CELF2: variants seen among roughly 807,000 people sequenced by gnomAD.
CELF2 encodes CUGBP Elav-like family member 2, also known as CUG triplet repeat RNA-binding protein 2.
Under a neutral mutation model 62.6 loss-of-function variants are expected in CELF2, and 8 were observed. The observed-to-expected ratio is 0.13, with a 90% CI of 0.07 to 0.23. CELF2 has a LOEUF of 0.23. Ranked by LOEUF, CELF2 falls within the 10% of genes least tolerant of loss-of-function variation. The pLI, the probability that CELF2 is intolerant of heterozygous loss-of-function variation, is 1.00. For missense variants in CELF2, 333 were observed against 671.0 expected, an observed-to-expected ratio of 0.50 and a Z score of 5.56; for synonymous variants, 258 against 250.0, an observed-to-expected ratio of 1.03 and a Z score of -0.30.
the CELF2 span, among the ~76,000 whole-genome samples, chr10:10,745,636 A>G: frequency 6.6e-6 from 1 of 152,154 alleles, no homozygotes; most frequent in Non-Finnish European, 1.5e-5. Flanking sequence ...GAGTATAACC[A>G]TCCCTACAAA....
At chr10:10,798,935 A>C (rs1273296579) in intron 1 of CELF2, 3 of 397,310 alleles carry the variant, frequency 7.6e-6, no homozygotes, top group Non-Finnish European at 1.3e-5. Context: ...TGTGGGGTTC[A>C]GGGATGCGCA....
chr10:11,289,407 C>T (rs950945935), intron 9 of CELF2, among the ~76,000 whole-genome samples: 1 of 152,146 alleles, frequency 6.6e-6, no homozygotes, highest in African/African-American at 2.4e-5. Context: ...CTTCAGGAAA[C>T]ACACATCGAA....
At chr10:11,167,649 A>G (rs1232423224) in intron 2 of CELF2, among the ~76,000 whole-genome samples, 1 of 152,182 alleles carries the variant, frequency 6.6e-6, no homozygotes, top group Non-Finnish European at 1.5e-5. Flanking sequence ...TATATTTGAT[A>G]CTATACATTT....
At chr10:10,986,678 A>G (rs2052791875) in intron 2 of CELF2, among the ~76,000 whole-genome samples, 1 of 152,236 alleles carries the variant, frequency 6.6e-6, no homozygotes, top group Admixed American at 6.5e-5. Context: ...TAATAAATTC[A>G]AGGGGATCAA....
At chr10:10,588,550 G>A in the CELF2 span, among the ~76,000 whole-genome samples, 9 of 152,180 alleles carry the variant, frequency 5.9e-5, no homozygotes, top group Non-Finnish European at 1.2e-4. Flanking sequence ...CCTCAGAGCA[G>A]CCATGCTCAA....
At chr10:10,543,673 C>T in the CELF2 span, among the ~76,000 whole-genome samples, 2 of 152,094 alleles carry the variant, frequency 1.3e-5, no homozygotes, top group Non-Finnish European at 1.5e-5. Flanking sequence ...ATGGAGAAAC[C>T]TCATCTCTTC....
At chr10:10,591,882 G>C in the CELF2 span, among the ~76,000 whole-genome samples, 1 of 152,094 alleles carries the variant, frequency 6.6e-6, no homozygotes, top group East Asian at 1.9e-4. Context: ...GTGTGTGTTT[G>C]CTACCTGGGA....
chr10:11,254,090 A>G (rs1364909084), intron 4 of CELF2, among the ~76,000 whole-genome samples: 1 of 152,388 alleles, frequency 6.6e-6, no homozygotes, highest in East Asian at 1.9e-4. Context: ...AAAGTTGATA[A>G]AAAAGTTAAG....
At chr10:10,883,370 G>T (rs1238453815) in intron 1 of CELF2, among the ~76,000 whole-genome samples, 2 of 152,142 alleles carry the variant, frequency 1.3e-5, no homozygotes, top group African/African-American at 4.8e-5. Flanking sequence ...CATTTTTCGT[G>T]TTCCAAAATT....
chr10:11,033,368 G>C (rs547973884), intron 1 of CELF2, among the ~76,000 whole-genome samples: 2 of 151,176 alleles, frequency 1.3e-5, no homozygotes, highest in African/African-American at 4.9e-5. Context: ...AGCGATTCTC[G>C]TGCCTCAGCT....
At chr10:11,133,139 C>T (rs1026961452) in intron 1 of CELF2, among the ~76,000 whole-genome samples, 1 of 152,116 alleles carries the variant, frequency 6.6e-6, no homozygotes, top group Non-Finnish European at 1.5e-5. Context: ...AATGGGAAAG[C>T]AGGAAACATA....
the CELF2 span, among the ~76,000 whole-genome samples, chr10:10,683,085 A>C: frequency 5.3e-5 from 8 of 152,226 alleles, no homozygotes; most frequent in Admixed American, 1.3e-4. Context: ...TAAGAGAATA[A>C]TTAATTTGCC....
intron 1 of CELF2, chr10:10,846,095 C>G: frequency 1.0e-6 from 1 of 985,218 alleles, no homozygotes; most frequent in Non-Finnish European, 1.2e-6. Flanking sequence ...CTTCTGCGCT[C>G]CCAGAGTTCA....
At chr10:10,721,960 C>T in the CELF2 span, among the ~76,000 whole-genome samples, 40 of 152,220 alleles carry the variant, frequency 2.6e-4, no homozygotes, top group South Asian at 3.7e-3. Context: ...AATGATTAAA[C>T]GAGGCATAGT....
At chr10:10,791,565 A>AT in the CELF2 span, among the ~76,000 whole-genome samples, 1 of 152,112 alleles carries the variant, frequency 6.6e-6, no homozygotes, top group Non-Finnish European at 1.5e-5. Context: ...AGTTTAGTGT[A>AT]TTTTTTTCTT....
At chr10:11,282,990 A>G (rs1021303885) in intron 8 of CELF2, among the ~76,000 whole-genome samples, 2 of 151,588 alleles carry the variant, frequency 1.3e-5, no homozygotes, top group African/African-American at 4.9e-5. Flanking sequence ...CTGGACTTGA[A>G]CTCCTGGGCC....
chr10:11,110,957 GCC>G lies in CELF2; in HGVS notation c.75-54527_75-54526del, dbSNP rs1304252944. ...CTGGAATTACAGAACGTCCAGCAAG[GCC>G]CTTTTGGGAGAAGGGTTATAAGGTT... is the stretch of plus-strand genomic sequence containing the variant. On this transcript the variant is annotated intron_variant, in intron 1 of 12. Transcript: ENST00000633077. This position sits in a 1 kb window ranked among gnomAD's most constrained non-coding sequence, Gnocchi z 4.0. Among the ~76,000 whole-genome samples the G allele has an allele frequency of 2.6e-5, 4 of 152,114 alleles. No individual in the cohort carries two copies. The highest frequency in any genetic ancestry group is 5.9e-5 in the Non-Finnish European group (4 of 68,022).
intron 1 of CELF2, among the ~76,000 whole-genome samples, chr10:11,140,582 G>C (rs1182034498): frequency 1.3e-5 from 2 of 152,060 alleles, no homozygotes; most frequent in African/African-American, 4.8e-5. Context: ...TTTTAATTAT[G>C]AATAAGTTTT....
In CELF2 at chr10:11,247,111, G is replaced by A. The variant is rs553256891; in HGVS notation, c.355-2042G>A. On this transcript the variant is annotated intron_variant, in intron 3 of 12. Transcript: ENST00000633077. This position sits in a 1 kb window ranked among gnomAD's most constrained non-coding sequence, Gnocchi z 5.4. ...AGCCTCTTAACTGTCCTCCCTGCCT[G>A]TGTCTCTCGTCTGTAATCCACCCTC... Among the ~76,000 whole-genome samples the A allele has an allele frequency of 6.6e-6, 1 of 152,324 alleles. No homozygotes were observed. The highest frequency in any genetic ancestry group is 1.9e-4 in the East Asian group (1 of 5,180).
Sources: allele counts gnomAD v4.1 joint callset (sites outside exome capture counted in the v4.1 genomes callset), GRCh38; gene constraint gnomAD v4.1.1; non-coding constraint Gnocchi (gnomAD v3.1); transcripts MANE v1.5; gene names NCBI Gene and HGNC (gene_info 2026-07-23, HGNC 2026-07-21).